Variants in SNRPC observed in about 807,000 individuals in gnomAD.
SNRPC encodes the protein small nuclear ribonucleoprotein polypeptide C, also known as U1 small nuclear ribonucleoprotein C.
Under a neutral mutation model 20.0 loss-of-function variants are expected in SNRPC, and 5 were observed. The observed-to-expected ratio is 0.25, with a 90% CI of 0.13 to 0.53. The LOEUF is 0.53. SNRPC is among the 20% of genes least tolerant of loss of function. SNRPC has a pLI of 0.96. For synonymous variants in SNRPC, 61 were observed against 58.7 expected (o/e 1.04, Z -0.18); for missense variants, 112 against 224.1 (o/e 0.50, Z 3.19).
intron 4 of SNRPC, among the ~76,000 whole-genome samples, chr6:34,768,711 C>A (rs1484776873): frequency 6.8e-6 from 1 of 146,950 alleles, no homozygotes; most frequent in African/African-American, 2.5e-5. Context: ...GAGATCACCT[C>A]ACTGTGTACT....
intron 2 of SNRPC, among the ~76,000 whole-genome samples, chr6:34,760,926 T>C (rs1261062490): frequency 1.3e-5 from 2 of 151,754 alleles, no homozygotes; most frequent in African/African-American, 4.8e-5. Flanking sequence ...CACGCGCCTA[T>C]AGTCCCAGGT....
Position 34,773,630 on chromosome 6 carries a change from A to G in SNRPC, c.*60A>G. ...ATTACCTGTTCTGCTTCACCAGGAG[A>G]TCATGCTGCTGTGATACTGAGTTTT... is the stretch of plus-strand genomic sequence containing the variant. On this transcript the variant is annotated 3_prime_UTR_variant, in exon 6 of 6. Transcript: ENST00000244520. The surrounding 1 kb of genome is among the most constrained non-coding windows in gnomAD (Gnocchi z 4.1). 1 of 1,502,908 alleles carries G rather than the reference A, an allele frequency of 6.7e-7. No individual in the cohort carries two copies. Among genetic ancestry groups the G allele is most frequent in the Non-Finnish European group, 9.2e-7 (1 of 1,088,218 alleles). The allele number at this position is 1,502,908 out of a possible 1,614,324, so 93.1% of individuals were successfully genotyped here.
chr6:34,760,139 G>A (rs967686643), intron 2 of SNRPC, among the ~76,000 whole-genome samples: 4 of 135,266 alleles, frequency 3.0e-5, no homozygotes, highest in Admixed American at 1.5e-4. Flanking sequence ...TTGAGATGGA[G>A]TCTTGCTTTA....
intron 2 of SNRPC, among the ~76,000 whole-genome samples, chr6:34,761,099 G>A (rs949081967): frequency 6.6e-6 from 1 of 151,648 alleles, no homozygotes; most frequent in Non-Finnish European, 1.5e-5. Flanking sequence ...AAAACATTCA[G>A]TAGTGCTGTA....
chr6:34,767,295 T>C (rs935109224), intron 3 of SNRPC, among the ~76,000 whole-genome samples: 1 of 152,260 alleles, frequency 6.6e-6, no homozygotes, highest in Non-Finnish European at 1.5e-5. Context: ...ACTACATCTA[T>C]AGATTAAAGA....
At chr6:34,771,621 A>G (rs1764692967) in intron 5 of SNRPC, among the ~76,000 whole-genome samples, 3 of 152,168 alleles carry the variant, frequency 2.0e-5, no homozygotes, top group South Asian at 4.1e-4. Context: ...GAAAAATTAT[A>G]TATATATAAT....
intron 3 of SNRPC, among the ~76,000 whole-genome samples, chr6:34,763,338 A>G (rs1194109141): frequency 6.6e-6 from 1 of 152,114 alleles, no homozygotes; most frequent in Non-Finnish European, 1.5e-5. Flanking sequence ...TTAATCATTC[A>G]TTGTACTCCA....
chr6:34,769,776 C>T (rs7741437), intron 4 of SNRPC, among the ~76,000 whole-genome samples: 67,843 of 151,860 alleles, frequency 0.45, 17,194 homozygotes, highest in African/African-American at 0.7. Context: ...ATTTTATTCT[C>T]CTGTCTAGGC....
intron 2 of SNRPC, among the ~76,000 whole-genome samples, chr6:34,761,165 AG>A (rs1186109050): frequency 2.6e-4 from 40 of 151,166 alleles, no homozygotes; most frequent in African/African-American, 8.3e-4. Context: ...TTTGAGATGG[AG>A]TCTCACTGTG....
chr6:34,762,719 T>G lies in SNRPC; in HGVS notation c.160+16T>G. On this transcript the variant is annotated intron_variant, in intron 3 of 5. Coordinates refer to ENST00000244520, the MANE Select transcript of SNRPC (RefSeq NM_003093.3). ...GACAAAACAAGTATGTTTCAATCTC[T>G]TGTTCTGCTGTGGTAAAATGGTCCT... is the stretch of plus-strand genomic sequence containing the variant. The G allele has an allele frequency of 3.1e-6, 4 of 1,301,040 alleles. No homozygotes were observed. The highest frequency in any genetic ancestry group is 4.5e-6 in the Non-Finnish European group (4 of 896,102). The allele number at this position is 1,301,040 out of a possible 1,614,324, so 80.6% of individuals were successfully genotyped here.
At chr6:34,758,337 C>T (rs115783150) in intron 2 of SNRPC, among the ~76,000 whole-genome samples, 10,070 of 151,090 alleles carry the variant, frequency 0.067, 539 homozygotes, top group East Asian at 0.33. Context: ...TTTTTTGAAA[C>T]GGAGTTTCGC....
chr6:34,765,717 C>T (rs572342469), intron 3 of SNRPC, among the ~76,000 whole-genome samples: 101 of 151,760 alleles, frequency 6.7e-4, no homozygotes, highest in African/African-American at 2.2e-3. Flanking sequence ...GGATTACAGG[C>T]CAGGCATGAG....
intron 2 of SNRPC, among the ~76,000 whole-genome samples, chr6:34,758,962 G>A (rs1244049699): frequency 6.9e-6 from 1 of 145,570 alleles, no homozygotes; most frequent in African/African-American, 2.5e-5. Flanking sequence ...GGAGCTTGCA[G>A]TGAGCCGAGA....
intron 3 of SNRPC, among the ~76,000 whole-genome samples, chr6:34,763,781 A>T (rs1468420761): frequency 6.7e-6 from 1 of 149,810 alleles, no homozygotes; most frequent in African/African-American, 2.4e-5. Flanking sequence ...CAGTGGTGTG[A>T]TCTTGGCTCA....
chr6:34,757,780 C>T lies in SNRPC; in HGVS notation c.9-132C>T, dbSNP rs1218730488. 7 of 1,590,194 alleles carry T rather than the reference C, an allele frequency of 4.4e-6. No homozygotes were observed. In the Admixed American group the frequency reaches 7.4e-5, roughly 17 times the overall value. ...TGGTTTATGTGTCGACGCTTTGATGCTTTTGAGTCGTGAGGCGGTCTGGCT... is the reference window on the plus strand; with the variant it reads ...TGGTTTATGTGTCGACGCTTTGATGTTTTTGAGTCGTGAGGCGGTCTGGCT... On this transcript the variant is annotated intron_variant, in intron 1 of 5. Coordinates refer to ENST00000244520, the MANE Select transcript of SNRPC (RefSeq NM_003093.3).
At position 34,761,087 on chromosome 6, in the gene SNRPC, T is replaced by C. The variant is rs185399390; in HGVS notation, c.52-1508T>C. ...AAAAAAACAACAAAAAAGAAATGTG[T>C]AAAAACATTCAGTAGTGCTGTAATT... On this transcript the variant is annotated intron_variant, in intron 2 of 5. Transcript: ENST00000244520. Among the ~76,000 whole-genome samples the C allele has an allele frequency of 3.6e-4, 54 of 151,910 alleles. 1 individual carries two copies. The highest frequency in any genetic ancestry group is 2.2e-3 in the Admixed American group (33 of 15,246).
At position 34,773,795 on chromosome 6, in the gene SNRPC, G is replaced by T. The variant is rs916613438; in HGVS notation, c.*225G>T. 2.3e-5 allele frequency: 9 copies of T among 397,288 alleles called. No individual in the cohort carries two copies. Among genetic ancestry groups the T allele is most frequent in the African/African-American group, 4.0e-5 (2 of 49,832 alleles). The allele number at this position is 397,288 out of a possible 1,614,324, so 24.6% of individuals were successfully genotyped here. A position where few individuals can be genotyped will look rare whatever the true frequency, so the allele number is the denominator to read the frequency against. ...AAATTGTCAACTCTTTCAGTTAAAA[G>T]TGTGTTCCCTTTTTCCTCCTCTCTG... On this transcript the variant is annotated 3_prime_UTR_variant, in exon 6 of 6. Coordinates refer to ENST00000244520, the MANE Select transcript of SNRPC (RefSeq NM_003093.3). The surrounding 1 kb of genome is among the most constrained non-coding windows in gnomAD (Gnocchi z 4.1).
intron 2 of SNRPC, 24 bp from the exon 3 acceptor site, chr6:34,762,571 T>G: frequency 1.6e-6 from 2 of 1,246,998 alleles, no homozygotes; most frequent in Non-Finnish European, 2.4e-6. Context: ...TTTCTACGTC[T>G]GATATGATCT....
At chr6:34,762,409 C>T (rs970196418) in intron 2 of SNRPC, among the ~76,000 whole-genome samples, 186 bp from the exon 3 acceptor site, 5 of 151,992 alleles carry the variant, frequency 3.3e-5, no homozygotes, top group Non-Finnish European at 7.4e-5. Context: ...TTGCTGACCT[C>T]TGGTCTAGAT....
Sources: allele counts gnomAD v4.1 joint callset (sites outside exome capture counted in the v4.1 genomes callset), GRCh38; gene constraint gnomAD v4.1.1; non-coding constraint Gnocchi (gnomAD v3.1); transcripts MANE v1.5; gene names NCBI Gene and HGNC (gene_info 2026-07-23, HGNC 2026-07-21).